Variants in SND1 observed in about 807,000 individuals in gnomAD.
SND1 encodes staphylococcal nuclease and tudor domain containing 1.
A neutral mutation model predicts 121.7 loss-of-function variants in SND1; 38 were observed. The ratio of observed to expected loss-of-function variants is 0.31; its 90% confidence interval spans 0.24 to 0.41. The LOEUF (loss-of-function observed/expected upper bound fraction) is 0.41. SND1 is among the 10% of genes least tolerant of loss of function. The pLI is 1.00. For missense variants in SND1, 868 were observed against 1,184.6 expected (o/e 0.73, Z 3.92); for synonymous variants, 401 against 447.4 (o/e 0.90, Z 1.31).
intron 15 of SND1, among the ~76,000 whole-genome samples, chr7:127,972,347 T>C (rs1802013095): frequency 6.6e-6 from 1 of 152,098 alleles, no homozygotes; most frequent in African/African-American, 2.4e-5. Context: ...CTGCAACCTC[T>C]GCCTCCCAAG....
chr7:127,654,017 C>T (rs982430501), intron 1 of SND1, among the ~76,000 whole-genome samples: 4 of 152,182 alleles, frequency 2.6e-5, no homozygotes, highest in African/African-American at 7.2e-5. Flanking sequence ...CTTGGCTCTC[C>T]GGTGTTGGGT....
chr7:127,653,848 G>C (rs806173), intron 1 of SND1, among the ~76,000 whole-genome samples: 2,987 of 152,260 alleles, frequency 0.02, 73 homozygotes, highest in African/African-American at 0.05. Context: ...GGTCAGAACT[G>C]ATCTGAAACT....
At chr7:128,045,233 A>G (rs1047571191) in intron 16 of SND1, among the ~76,000 whole-genome samples, 4 of 152,172 alleles carry the variant, frequency 2.6e-5, no homozygotes, top group Admixed American at 6.5e-5. Flanking sequence ...CCTCTTTTCC[A>G]GAACAGTTTT....
chr7:127,901,481 A>C (rs1241492525), intron 13 of SND1, among the ~76,000 whole-genome samples: 1 of 152,146 alleles, frequency 6.6e-6, no homozygotes, highest in African/African-American at 2.4e-5. Context: ...TTCCTGCAGC[A>C]GTGTGGGAAC....
Position 128,074,531 on chromosome 7 carries a change from G to A in SND1, c.1809G>A (p.Lys603=), listed in dbSNP as rs1249529975. 10 of 1,613,484 alleles carry A rather than the reference G, an allele frequency of 6.2e-6. No homozygotes were observed. The highest frequency in any genetic ancestry group is 8.5e-6 in the Non-Finnish European group (10 of 1,179,606). The stretch of plus-strand genomic sequence containing the variant: ...AGGTGGAGGTGGAGAGCATGGACAA[G>A]GCCGGCAACTTTATCGGCTGGCTGC... ...EVEVEVESMD[K]AGNFIGWLHI... Residue 603 remains lysine (K), a synonymous_variant, in exon 17 of 24, where the codon AAG becomes AAA. Coordinates refer to ENST00000354725, the MANE Select transcript of SND1 (RefSeq NM_014390.4).
chr7:127,762,713 GTGATGC>G (rs1386800939), intron 10 of SND1, among the ~76,000 whole-genome samples: 1 of 152,192 alleles, frequency 6.6e-6, no homozygotes, highest in African/African-American at 2.4e-5. Flanking sequence ...GTCTTGATAT[GTGATGC>G]TGACTGTTAT....
At chr7:127,691,437 G>A (rs1342500033) in intron 2 of SND1, among the ~76,000 whole-genome samples, 4 of 151,726 alleles carry the variant, frequency 2.6e-5, no homozygotes, top group Admixed American at 1.3e-4. Flanking sequence ...CCGGCTACTC[G>A]GGAGGCTGAG....
At chr7:127,716,419 C>T (rs372430451) in intron 9 of SND1, among the ~76,000 whole-genome samples, 15 of 150,280 alleles carry the variant, frequency 1.0e-4, no homozygotes, top group African/African-American at 3.6e-4. Flanking sequence ...AAGTTTTTCA[C>T]TTCCTTGGTT....
chr7:127,804,757 G>A (rs558248788), intron 10 of SND1, among the ~76,000 whole-genome samples: 15 of 150,204 alleles, frequency 1.0e-4, no homozygotes, highest in African/African-American at 3.6e-4. Context: ...AAAAAAAAAT[G>A]TAGGTAAGTT....
At chr7:127,916,026 GTGTGTGTTTA>G (rs1563057026) in intron 14 of SND1, among the ~76,000 whole-genome samples, 1 of 136,530 alleles carries the variant, frequency 7.3e-6, no homozygotes, top group Non-Finnish European at 1.6e-5. Context: ...GTGTGTGTGT[GTGTGTGTTTA>G]TGTGTGTATA....
intron 10 of SND1, among the ~76,000 whole-genome samples, chr7:127,780,320 G>A (rs1475956104): frequency 2.0e-5 from 3 of 152,226 alleles, no homozygotes; most frequent in Non-Finnish European, 2.9e-5. Flanking sequence ...AAAACAACTA[G>A]AAGATCTCAT....
chr7:127,943,443 C>T (rs940601636), intron 15 of SND1, among the ~76,000 whole-genome samples: 6 of 152,316 alleles, frequency 3.9e-5, no homozygotes, highest in African/African-American at 1.4e-4. Context: ...CTGTATTTAT[C>T]CTACGAACGT....
chr7:127,979,895 A>G (rs1284581180), intron 15 of SND1, among the ~76,000 whole-genome samples: 1 of 152,204 alleles, frequency 6.6e-6, no homozygotes, highest in Non-Finnish European at 1.5e-5. Context: ...CTTAGTCTTC[A>G]GGAAGTTGTC....
chr7:127,810,414 T>G (rs544649380), intron 11 of SND1, among the ~76,000 whole-genome samples: 3 of 152,336 alleles, frequency 2.0e-5, no homozygotes, highest in Non-Finnish European at 2.9e-5. Context: ...TAGAACTCTC[T>G]TCCCATCTCC....
At position 128,059,368 on chromosome 7, in the gene SND1, A is replaced by G. The variant is rs1258961153; in HGVS notation, c.1780-15134A>G. On this transcript the variant is annotated intron_variant, in intron 16 of 23. Transcript: ENST00000354725. Reference sequence around the variant, plus strand: ...TCTCATCTAAATCATAGGCTCTTTGAAGACAGAAGTGAATTCTCTCTCCTT... The same window carrying G: ...TCTCATCTAAATCATAGGCTCTTTGGAGACAGAAGTGAATTCTCTCTCCTT... Among the ~76,000 whole-genome samples, 5 of 152,172 alleles carry G rather than the reference A, an allele frequency of 3.3e-5. No homozygotes were observed. The East Asian group carries it at 9.6e-4, about 29-fold the overall frequency.
intron 2 of SND1, among the ~76,000 whole-genome samples, chr7:127,687,743 G>A (rs573391944): frequency 6.6e-6 from 1 of 152,134 alleles, no homozygotes; most frequent in Admixed American, 6.5e-5. Flanking sequence ...GAGTGCAGTG[G>A]TGTAATCATG....
chr7:127,723,625 C>T (rs919054630), intron 10 of SND1, among the ~76,000 whole-genome samples: 7 of 152,016 alleles, frequency 4.6e-5, no homozygotes, highest in Admixed American at 3.3e-4. Context: ...GAAGAGTAGC[C>T]GGTTTTGGTG....
chr7:127,743,309 T>C (rs1796916770), intron 10 of SND1, among the ~76,000 whole-genome samples: 1 of 152,344 alleles, frequency 6.6e-6, no homozygotes, highest in African/African-American at 2.4e-5. Flanking sequence ...AACCTCGGTG[T>C]GCAAGGTGTT....
chr7:128,028,791 T>C lies in SND1; in HGVS notation c.1779+37735T>C, dbSNP rs139412585. On this transcript the variant is annotated intron_variant, in intron 16 of 23. Coordinates refer to ENST00000354725, the MANE Select transcript of SND1 (RefSeq NM_014390.4). ...GTTCCCCAGGCTGTTTTCTGTCCAG[T>C]GGGCCCCATGTGCTGGTTTGTAGGT... 6 of 1,614,050 alleles carry C rather than the reference T, an allele frequency of 3.7e-6. No homozygotes were observed. In the African/African-American group the frequency reaches 5.3e-5, roughly 14 times the overall value.
Sources: allele counts gnomAD v4.1 joint callset (sites outside exome capture counted in the v4.1 genomes callset), GRCh38; gene constraint gnomAD v4.1.1; transcripts MANE v1.5; gene names NCBI Gene and HGNC (gene_info 2026-07-23, HGNC 2026-07-21).